The following FRMD5 variants were observed in gnomAD, a reference collection of about 807,000 sequenced individuals.
FRMD5 encodes the protein FERM domain containing 5.
A neutral mutation model predicts 69.0 loss-of-function variants in FRMD5; 20 were observed. That is an observed-to-expected ratio of 0.29 (90% CI 0.20 to 0.42). The LOEUF (loss-of-function observed/expected upper bound fraction) is 0.42, where lower values mean the gene tolerates loss of function less well. FRMD5 is among the 10% of genes least tolerant of loss of function. The probability of loss-of-function intolerance (pLI) is 1.00; values close to 1 mark genes in which losing one functional copy is unlikely to be tolerated. For missense variants in FRMD5, 595 were observed against 708.6 expected, an observed-to-expected ratio of 0.84 and a Z score of 1.82; for synonymous variants, 271 against 260.1, an observed-to-expected ratio of 1.04 and a Z score of -0.40.
At chr15:43,914,185 GT>G (rs780834447) in intron 4 of FRMD5, among the ~76,000 whole-genome samples, 1 of 152,186 alleles carries the variant, frequency 6.6e-6, no homozygotes, top group Non-Finnish European at 1.5e-5. Context: ...ATATCAGAGG[GT>G]AGAAATGAGT....
At chr15:43,910,031 AG>A in intron 4 of FRMD5, 52 bp from the exon 5 acceptor site, 1 of 1,044,666 alleles carries the variant, frequency 9.6e-7, no homozygotes. Flanking sequence ...ATTGCTTTAA[AG>A]ATAGAAATAT....
chr15:43,888,318 G>A (rs1250728607), intron 9 of FRMD5, 52 bp from the exon 10 acceptor site: 6 of 1,315,962 alleles, frequency 4.6e-6, no homozygotes, highest in Middle Eastern at 1.8e-4. Context: ...GAAGCAAAGG[G>A]TGAAGTAGGC....
intron 1 of FRMD5, among the ~76,000 whole-genome samples, chr15:44,062,294 C>A (rs1223901797): frequency 6.6e-6 from 1 of 152,132 alleles, no homozygotes; most frequent in East Asian, 1.9e-4. Flanking sequence ...ATGTATACCA[C>A]ACAAAATACT....
At chr15:43,930,830 T>C (rs2089662418) in intron 1 of FRMD5, among the ~76,000 whole-genome samples, 1 of 152,134 alleles carries the variant, frequency 6.6e-6, no homozygotes, top group South Asian at 2.1e-4. Flanking sequence ...GGAAATCACA[T>C]TCAGTCTGGA....
At chr15:44,053,574 A>C (rs1892753378) in intron 1 of FRMD5, among the ~76,000 whole-genome samples, 1 of 152,036 alleles carries the variant, frequency 6.6e-6, no homozygotes, top group South Asian at 2.1e-4. Flanking sequence ...AATTGAGAAG[A>C]CTCTGTGACA....
At chr15:43,943,986 C>G (rs992714645) in intron 1 of FRMD5, among the ~76,000 whole-genome samples, 1 of 152,192 alleles carries the variant, frequency 6.6e-6, no homozygotes, top group Non-Finnish European at 1.5e-5. Context: ...GCAAAGCAGA[C>G]TTTGTTATTT....
At chr15:43,903,210 A>T (rs1293170210) in intron 6 of FRMD5, among the ~76,000 whole-genome samples, 1 of 152,202 alleles carries the variant, frequency 6.6e-6, no homozygotes, top group Non-Finnish European at 1.5e-5. Context: ...ATACTTCTAC[A>T]GATACAGGTT....
At chr15:44,058,594 G>A (rs1892964495) in intron 1 of FRMD5, among the ~76,000 whole-genome samples, 2 of 152,078 alleles carry the variant, frequency 1.3e-5, no homozygotes, top group African/African-American at 4.8e-5. Context: ...AGACCATCCT[G>A]GCTAACACAG....
At chr15:44,168,106 ATTTAC>A (rs1378691218) in intron 1 of FRMD5, among the ~76,000 whole-genome samples, 1 of 152,208 alleles carries the variant, frequency 6.6e-6, no homozygotes, top group African/African-American at 2.4e-5. Flanking sequence ...TGGGGGAATA[ATTTAC>A]TTAACTGTTA....
intron 13 of FRMD5, among the ~76,000 whole-genome samples, chr15:43,882,834 C>G (rs562335090): frequency 1.3e-5 from 2 of 152,260 alleles, no homozygotes; most frequent in South Asian, 4.1e-4. Flanking sequence ...GACAGAGTCT[C>G]TGTCACCCAG....
At chr15:43,934,340 A>C (rs2089723986) in intron 1 of FRMD5, among the ~76,000 whole-genome samples, 2 of 152,162 alleles carry the variant, frequency 1.3e-5, no homozygotes, top group Non-Finnish European at 2.9e-5. Flanking sequence ...CAGTTTCTCT[A>C]TCTGCAAATA....
intron 1 of FRMD5, among the ~76,000 whole-genome samples, chr15:44,100,651 C>A (rs983233742): frequency 1.3e-5 from 2 of 152,172 alleles, no homozygotes; most frequent in African/African-American, 4.8e-5. Flanking sequence ...CAGAAAGTGA[C>A]AACCATCAAT....
chr15:44,193,962 G>T (rs1368871722), intron 1 of FRMD5, among the ~76,000 whole-genome samples: 1 of 152,206 alleles, frequency 6.6e-6, no homozygotes, highest in Non-Finnish European at 1.5e-5. Flanking sequence ...ACCCCTCTGG[G>T]TCCAGCTCAA....
intron 13 of FRMD5, among the ~76,000 whole-genome samples, chr15:43,878,911 ATTTCTTTTTTTT>A (rs2088440785): frequency 1.5e-5 from 2 of 136,842 alleles, no homozygotes; most frequent in South Asian, 4.7e-4. Flanking sequence ...ATAGATAGGC[ATTTCTTTTTTTT>A]TTTCTTTTCT....
At chr15:43,882,115 C>T (rs184077329) in intron 13 of FRMD5, among the ~76,000 whole-genome samples, 4 of 152,286 alleles carry the variant, frequency 2.6e-5, no homozygotes, top group African/African-American at 9.6e-5. Context: ...ATCCAGCCTG[C>T]GGGTGACCTG....
chr15:43,871,687 T>C lies in FRMD5; in HGVS notation c.*2198A>G, dbSNP rs2088165053. On this transcript the variant is annotated 3_prime_UTR_variant, in exon 14 of 14. Coordinates refer to ENST00000417257, the MANE Select transcript of FRMD5 (RefSeq NM_032892.5). ...TCGGTTTGTATTGTCACTCGATAAA[T>C]AGATGTTTATAATTCTGCCTAAATT... 6.6e-6 allele frequency: 1 copy of C among 152,234 alleles called. No homozygotes were observed. Among genetic ancestry groups the C allele is most frequent in the Non-Finnish European group, 1.5e-5 (1 of 68,046 alleles). 9.4% of individuals were successfully genotyped at this position (152,234 alleles called of 1,614,324 possible). A position where few individuals can be genotyped will look rare whatever the true frequency, so the allele number is the denominator to read the frequency against.
At chr15:44,124,616 T>C (rs1485041171) in intron 1 of FRMD5, among the ~76,000 whole-genome samples, 5 of 151,912 alleles carry the variant, frequency 3.3e-5, no homozygotes, top group Non-Finnish European at 5.9e-5. Flanking sequence ...GGAGAAGCAC[T>C]TGAACCTGGG....
intron 1 of FRMD5, among the ~76,000 whole-genome samples, chr15:44,067,733 A>G (rs1893371517): frequency 6.6e-6 from 1 of 152,170 alleles, no homozygotes; most frequent in South Asian, 2.1e-4. Flanking sequence ...TTTCCAATAT[A>G]TAAATTTGAG....
intron 1 of FRMD5, among the ~76,000 whole-genome samples, chr15:44,069,447 G>T (rs966889444): frequency 5.3e-5 from 8 of 151,786 alleles, no homozygotes; most frequent in African/African-American, 1.9e-4. Context: ...AACAGGTAAA[G>T]GTTAAACAAA....
Sources: allele counts gnomAD v4.1 joint callset (sites outside exome capture counted in the v4.1 genomes callset), GRCh38; gene constraint gnomAD v4.1.1; transcripts MANE v1.5; gene names NCBI Gene and HGNC (gene_info 2026-07-23, HGNC 2026-07-21).